Variants in MYRF observed in about 807,000 individuals in gnomAD.
The protein encoded by MYRF is myelin regulatory factor.
A neutral mutation model predicts 126.3 loss-of-function variants in MYRF; 16 were observed. The ratio of observed to expected loss-of-function variants is 0.13; its 90% CI spans 0.09 to 0.19. MYRF has a LOEUF of 0.19. MYRF is among the 10% of genes least tolerant of loss of function. The pLI is 1.00. For missense variants in MYRF, 1,104 were observed against 1,547.0 expected (o/e 0.71, Z 4.80); for synonymous variants, 608 against 635.3 (o/e 0.96, Z 0.65).
rs2066230426 is a variant in MYRF, at chr11:61,771,816, T to C, written c.992-13T>C. On this transcript the variant is annotated splice_polypyrimidine_tract_variant and intron_variant, in intron 6 of 26. Coordinates refer to ENST00000278836, the MANE Select transcript of MYRF (RefSeq NM_001127392.3). The stretch of plus-strand genomic sequence containing the variant: ...CAAGGTGCAGGGCCCACATGGGCGT[T>C]CCCTCCCTCCAGGCCTCCTGCAGGA... 6 of 1,613,978 alleles carry C rather than the reference T, an allele frequency of 3.7e-6. No homozygotes were observed. The highest frequency in any genetic ancestry group is 5.1e-6 in the Non-Finnish European group (6 of 1,179,972).
chr11:61,775,001 G>A (rs983396964), intron 8 of MYRF, among the ~76,000 whole-genome samples: 4 of 152,084 alleles, frequency 2.6e-5, no homozygotes, highest in Non-Finnish European at 4.4e-5. Flanking sequence ...TACCTGAGCC[G>A]CAAATCTGGG....
intron 25 of MYRF, 78 bp from the exon 26 acceptor site, chr11:61,785,722 C>T: frequency 8.2e-7 from 1 of 1,223,274 alleles, no homozygotes; most frequent in South Asian, 1.2e-5. Context: ...GACCCCAGGA[C>T]TGCGACGGCC....
At chr11:61,779,455 C>T (rs1416888539) in intron 15 of MYRF, 32 bp downstream of exon 15, 2 of 1,547,620 alleles carry the variant, frequency 1.3e-6, no homozygotes, top group African/African-American at 2.7e-5. Context: ...AGGTGAGACC[C>T]TTCTTCCCAG....
intron 8 of MYRF, among the ~76,000 whole-genome samples, chr11:61,775,390 C>T (rs1215551881): frequency 6.6e-6 from 1 of 152,228 alleles, no homozygotes; most frequent in Non-Finnish European, 1.5e-5. Context: ...CATCCCTCCT[C>T]TCCAGGCAGA....
rs147032262 is a variant in MYRF at position 61,769,164 on chromosome 11, G to T, written c.399-96G>T. The T allele has an allele frequency of 2.3e-3, 1,625 of 697,052 alleles. 19 individuals are homozygous for T. The African/African-American group carries it at 0.026, about 11-fold the overall frequency. 43.2% of individuals were successfully genotyped at this position (697,052 alleles called of 1,614,324 possible). A position where few individuals can be genotyped will look rare whatever the true frequency, so the allele number is the denominator to read the frequency against. Reference sequence around the variant, plus strand: ...CGAAACCTCAGTGTCGCCAGCTTCTGGGGGGCTGTGGGACCCTACCACGCA... The same window carrying T: ...CGAAACCTCAGTGTCGCCAGCTTCTTGGGGGCTGTGGGACCCTACCACGCA... On this transcript the variant is annotated intron_variant, in intron 3 of 26. Coordinates refer to ENST00000278836, the MANE Select transcript of MYRF (RefSeq NM_001127392.3).
chr11:61,761,073 G>A (rs1033706096), intron 1 of MYRF, among the ~76,000 whole-genome samples: 3 of 152,062 alleles, frequency 2.0e-5, no homozygotes, highest in Non-Finnish European at 4.4e-5. Flanking sequence ...TCGGGCCCCG[G>A]CCCACCCTAC....
Position 61,783,258 on chromosome 11 carries a change from C to G in MYRF, c.3017-240C>G, listed in dbSNP as rs2066599941. 7.3e-6 allele frequency: 3 copies of G among 411,528 alleles called. No homozygotes were observed. In the East Asian group the frequency reaches 1.2e-4, roughly 17 times the overall value. The allele number at this position is 411,528 out of a possible 1,614,324, so 25.5% of individuals were successfully genotyped here. A position where few individuals can be genotyped will look rare whatever the true frequency, so the allele number is the denominator to read the frequency against. On this transcript the variant is annotated intron_variant, in intron 22 of 26. Transcript: ENST00000278836. The surrounding 1 kb of genome is among the most constrained non-coding windows in gnomAD (Gnocchi z 4.6). ...CTGGCAGGGGATGTGAAGACCCATC[C>G]CTACTTCTGGGTGTTCCAGTTCTTT... is the stretch of plus-strand genomic sequence containing the variant.
rs1200367797 is a variant in MYRF, at chr11:61,783,736, T to G, written c.3120-115T>G. ...AGGGTAGCCCCTTTCCAGGCTACCC[T>G]TGGACACTGTCTCTTCTGGAGGGCT... On this transcript the variant is annotated intron_variant, in intron 23 of 26. Transcript: ENST00000278836. The surrounding 1 kb of genome is among the most constrained non-coding windows in gnomAD (Gnocchi z 4.6). The G allele has an allele frequency of 1.5e-6, 2 of 1,364,656 alleles. No individual in the cohort carries two copies. The highest frequency in any genetic ancestry group is 2.5e-5 in the South Asian group (2 of 79,630). The allele number at this position is 1,364,656 out of a possible 1,614,324, so 84.5% of individuals were successfully genotyped here.
chr11:61,762,682 G>C (rs916450563), intron 1 of MYRF, among the ~76,000 whole-genome samples: 25 of 152,186 alleles, frequency 1.6e-4, no homozygotes, highest in African/African-American at 6.0e-4. Flanking sequence ...CTCCAGTGTG[G>C]TTCACGGGCG....
chr11:61,759,498 C>T (rs891627072), intron 1 of MYRF, among the ~76,000 whole-genome samples: 5 of 152,012 alleles, frequency 3.3e-5, no homozygotes, highest in Non-Finnish European at 7.4e-5. Context: ...AGTGAAATCC[C>T]GTCTCTACAA....
chr11:61,753,222 C>T (rs2065655106), intron 1 of MYRF, among the ~76,000 whole-genome samples: 1 of 152,064 alleles, frequency 6.6e-6, no homozygotes, highest in East Asian at 1.9e-4. Context: ...TTCCGTACCT[C>T]TTGAGGCTGG....
chr11:61,780,425 G>A, intron 18 of MYRF, 135 bp downstream of exon 18: 1 of 811,908 alleles, frequency 1.2e-6, no homozygotes. Context: ...GGTGCTGTGG[G>A]GATCCAGGGA....
chr11:61,765,729 C>T lies in MYRF; in HGVS notation c.134+17C>T, dbSNP rs1451042969. The T allele has an allele frequency of 1.9e-6, 3 of 1,604,780 alleles. No individual in the cohort carries two copies. The Admixed American group carries it at 5.0e-5, about 27-fold the overall frequency. On this transcript the variant is annotated intron_variant, in intron 2 of 26. Coordinates refer to ENST00000278836, the MANE Select transcript of MYRF (RefSeq NM_001127392.3). ...CTCCGACCTGTGAGTGGCCCCCTCG[C>T]CCGGCCTGCACCCGCCCAGCCCCAG...
intron 22 of MYRF, chr11:61,782,823 T>C (rs1238518066): frequency 6.6e-6 from 1 of 152,372 alleles, no homozygotes; most frequent in African/African-American, 2.4e-5. Context: ...TCCTGGATCC[T>C]GTTGGGGTCC....
chr11:61,762,379 G>A (rs1236615277), intron 1 of MYRF, among the ~76,000 whole-genome samples: 1 of 152,204 alleles, frequency 6.6e-6, no homozygotes, highest in East Asian at 1.9e-4. Context: ...CTGTTTTCGG[G>A]TTATTGGGCC....
chr11:61,763,800 G>A (rs2065969881), intron 1 of MYRF, among the ~76,000 whole-genome samples: 1 of 152,184 alleles, frequency 6.6e-6, no homozygotes, highest in Admixed American at 6.5e-5. Flanking sequence ...GGGAGGTGGA[G>A]GTTGCAGTGA....
At chr11:61,765,819 A>C in intron 2 of MYRF, 107 bp downstream of exon 2, 1 of 1,416,830 alleles carries the variant, frequency 7.1e-7, no homozygotes, top group East Asian at 2.5e-5. Flanking sequence ...CTGTGGTCCC[A>C]CCTCTGAAAG....
Position 61,783,653 on chromosome 11 carries a change from C to G in MYRF, c.3119+53C>G, listed in dbSNP as rs182189370. 5.6e-4 allele frequency: 862 copies of G among 1,528,524 alleles called. 4 individuals are homozygous for G. In the African/African-American group the frequency reaches 0.01, roughly 18 times the overall value. 94.7% of individuals were successfully genotyped at this position (1,528,524 alleles called of 1,614,324 possible). On this transcript the variant is annotated intron_variant, in intron 23 of 26. Transcript: ENST00000278836. This position sits in a 1 kb window ranked among gnomAD's most constrained non-coding sequence, Gnocchi z 4.6. The stretch of plus-strand genomic sequence containing the variant: ...GGGAGGTCCTCAGGTGACATGAGCC[C>G]AGGTGGTACAGATCACCCGGAACTT...
chr11:61,778,345 C>A lies in MYRF; in HGVS notation c.1904-35C>A, dbSNP rs2066443360. The A allele has an allele frequency of 7.1e-7, 1 of 1,407,584 alleles. No individual in the cohort carries two copies. The highest frequency in any genetic ancestry group is 1.0e-6 in the Non-Finnish European group (1 of 992,458). The allele number at this position is 1,407,584 out of a possible 1,614,324, so 87.2% of individuals were successfully genotyped here. Reference sequence around the variant, plus strand: ...AAGCTGTGAGTAGCCCTTTACCACCCCCCCACCCATCTTTGGCTTGTCCCC... The same window carrying A: ...AAGCTGTGAGTAGCCCTTTACCACCACCCCACCCATCTTTGGCTTGTCCCC... On this transcript the variant is annotated intron_variant, in intron 13 of 26. Transcript: ENST00000278836. The surrounding 1 kb of genome is among the most constrained non-coding windows in gnomAD (Gnocchi z 4.6).
Sources: allele counts gnomAD v4.1 joint callset (sites outside exome capture counted in the v4.1 genomes callset), GRCh38; gene constraint gnomAD v4.1.1; non-coding constraint Gnocchi (gnomAD v3.1); transcripts MANE v1.5; gene names NCBI Gene and HGNC (gene_info 2026-07-23, HGNC 2026-07-21).